The following GRM8 variants were observed in gnomAD, a reference collection of about 807,000 sequenced individuals.
The protein encoded by GRM8 is metabotropic glutamate receptor 8.
A neutral mutation model predicts 87.2 loss-of-function variants in GRM8; 47 were observed. The ratio of observed to expected loss-of-function variants is 0.54; its 90% CI spans 0.43 to 0.69. The LOEUF is 0.69. GRM8 is among the 30% of genes least tolerant of loss of function. The pLI is 0.00. For missense variants in GRM8, 1,019 were observed against 1,139.2 expected, an observed-to-expected ratio of 0.89 and a Z score of 1.52; for synonymous variants, 396 against 404.5, an observed-to-expected ratio of 0.98 and a Z score of 0.25.
chr7:126,806,755 G>T (rs951459561), intron 6 of GRM8, among the ~76,000 whole-genome samples: 1 of 152,198 alleles, frequency 6.6e-6, no homozygotes, highest in Non-Finnish European at 1.5e-5. Context: ...GAGGGAGCTC[G>T]CCCCCCAGTC....
intron 2 of GRM8, among the ~76,000 whole-genome samples, chr7:127,153,635 T>A (rs963792415): frequency 1.3e-5 from 2 of 152,134 alleles, no homozygotes; most frequent in African/African-American, 4.8e-5. Context: ...AGTTGGTGAC[T>A]ATGAACTTTG....
At chr7:126,777,063 A>AT (rs1000041956) in intron 6 of GRM8, among the ~76,000 whole-genome samples, 13 of 152,172 alleles carry the variant, frequency 8.5e-5, no homozygotes, top group African/African-American at 3.1e-4. Context: ...ACCTGGATTA[A>AT]TTTTTTCCCG....
At chr7:126,598,386 G>C (rs1262923326) in intron 8 of GRM8, among the ~76,000 whole-genome samples, 1 of 152,004 alleles carries the variant, frequency 6.6e-6, no homozygotes, top group East Asian at 1.9e-4. Context: ...ATTTGGTATG[G>C]CATAGTTTTG....
intron 6 of GRM8, among the ~76,000 whole-genome samples, chr7:126,866,648 G>A (rs1412703728): frequency 7.8e-6 from 1 of 128,602 alleles, no homozygotes; most frequent in Non-Finnish European, 1.5e-5. Context: ...TTGGAGTGCT[G>A]TGGTGCAATC....
At chr7:127,017,012 T>C (rs1815747796) in intron 3 of GRM8, among the ~76,000 whole-genome samples, 1 of 152,088 alleles carries the variant, frequency 6.6e-6, no homozygotes, top group Non-Finnish European at 1.5e-5. Flanking sequence ...ATGAAGCAAT[T>C]GTGCTAACTT....
intron 3 of GRM8, among the ~76,000 whole-genome samples, chr7:127,036,954 T>C (rs1436505488): frequency 6.6e-6 from 1 of 152,122 alleles, no homozygotes; most frequent in African/African-American, 2.4e-5. Flanking sequence ...ATGACCCACA[T>C]TTACCTTTCC....
chr7:126,878,938 C>T (rs954191326), intron 6 of GRM8, among the ~76,000 whole-genome samples: 15 of 151,720 alleles, frequency 9.9e-5, no homozygotes, highest in South Asian at 2.1e-4. Flanking sequence ...GGAGGCAGGT[C>T]GATCACCTGA....
At chr7:126,826,580 A>G (rs1373231912) in intron 6 of GRM8, among the ~76,000 whole-genome samples, 4 of 151,850 alleles carry the variant, frequency 2.6e-5, no homozygotes, top group Non-Finnish European at 4.4e-5. Flanking sequence ...TTTTTCTTGT[A>G]AATTTGTTTG....
At chr7:126,774,481 T>C (rs1819199538) in intron 6 of GRM8, among the ~76,000 whole-genome samples, 1 of 152,200 alleles carries the variant, frequency 6.6e-6, no homozygotes, top group Non-Finnish European at 1.5e-5. Flanking sequence ...TGATGTGTTT[T>C]AGTGTATAGC....
At chr7:126,826,205 G>T (rs1216655452) in intron 6 of GRM8, among the ~76,000 whole-genome samples, 1 of 152,076 alleles carries the variant, frequency 6.6e-6, no homozygotes, top group Non-Finnish European at 1.5e-5. Context: ...CTTTATAGTA[G>T]CATGATTTAT....
chr7:126,601,284 G>C (rs1797733886), intron 8 of GRM8, among the ~76,000 whole-genome samples: 1 of 152,082 alleles, frequency 6.6e-6, no homozygotes, highest in South Asian at 2.1e-4. Flanking sequence ...TGGCTGCATA[G>C]TATTCCGTGG....
intron 9 of GRM8, among the ~76,000 whole-genome samples, chr7:126,482,866 G>A (rs1806862890): frequency 6.6e-6 from 1 of 151,662 alleles, no homozygotes; most frequent in Admixed American, 6.6e-5. Flanking sequence ...ACATGACCAT[G>A]GGCAAATATC....
chr7:126,523,341 G>GT (rs1040930330), intron 9 of GRM8, among the ~76,000 whole-genome samples: 1 of 151,856 alleles, frequency 6.6e-6, no homozygotes, highest in East Asian at 1.9e-4. Flanking sequence ...GAGTTTGAAT[G>GT]TTTTTTTGTT....
At chr7:126,443,017 T>A (rs1563010627) in intron 10 of GRM8, among the ~76,000 whole-genome samples, 1 of 152,052 alleles carries the variant, frequency 6.6e-6, no homozygotes. Context: ...GGAGATGTTT[T>A]TCACGGTGCT....
intron 6 of GRM8, among the ~76,000 whole-genome samples, chr7:126,852,332 T>C (rs370635740): frequency 2.6e-5 from 4 of 152,140 alleles, no homozygotes; most frequent in East Asian, 3.8e-4. Context: ...CTTTCTTAGA[T>C]ATCATTAGAC....
intron 6 of GRM8, among the ~76,000 whole-genome samples, chr7:126,786,748 T>A (rs1485945487): frequency 6.6e-6 from 1 of 152,160 alleles, no homozygotes; most frequent in African/African-American, 2.4e-5. Flanking sequence ...TCCAATAATA[T>A]TATAAATTAA....
chr7:126,542,827 AG>A (rs1414319800), intron 8 of GRM8, among the ~76,000 whole-genome samples: 1 of 152,238 alleles, frequency 6.6e-6, no homozygotes, highest in Non-Finnish European at 1.5e-5. Context: ...ATGGCAGAGA[AG>A]CAAGAATATG....
chr7:126,768,935 A>T (rs1173100345), intron 7 of GRM8, among the ~76,000 whole-genome samples: 7 of 149,656 alleles, frequency 4.7e-5, no homozygotes, highest in Non-Finnish European at 8.9e-5. Context: ...TGCAAAAAAA[A>T]AAAAAATAAA....
At chr7:126,882,261 G>C (rs1017766668) in intron 6 of GRM8, among the ~76,000 whole-genome samples, 1 of 151,740 alleles carries the variant, frequency 6.6e-6, no homozygotes, top group Non-Finnish European at 1.5e-5. Context: ...ATTTTTTAAT[G>C]TTTTATGTAT....
Sources: allele counts gnomAD v4.1 joint callset (sites outside exome capture counted in the v4.1 genomes callset), GRCh38; gene constraint gnomAD v4.1.1; transcripts MANE v1.5; gene names NCBI Gene and HGNC (gene_info 2026-07-23, HGNC 2026-07-21).